The following KDM6A variants were observed in gnomAD, a reference collection of about 807,000 sequenced individuals.
KDM6A encodes lysine-specific demethylase 6A.
Under a neutral mutation model 117.6 loss-of-function variants are expected in KDM6A, and 11 were observed. That is an observed-to-expected ratio of 0.09 (90% confidence interval 0.06 to 0.15). The LOEUF (loss-of-function observed/expected upper bound fraction) is 0.15. Ranked by LOEUF, KDM6A falls within the 10% of genes least tolerant of loss-of-function variation. The probability of loss-of-function intolerance (pLI) is 1.00; values close to 1 mark genes in which losing one functional copy is unlikely to be tolerated. For missense variants in KDM6A, 799 were observed against 1,077.3 expected, an observed-to-expected ratio of 0.74 and a Z score of 3.62; for synonymous variants, 384 against 396.1, an observed-to-expected ratio of 0.97 and a Z score of 0.36.
At chrX:45,087,188 A>G (rs918054476) in intron 25 of KDM6A, among the ~76,000 whole-genome samples, 2 of 111,972 alleles carry the variant, frequency 1.8e-5, no homozygotes, top group Non-Finnish European at 3.8e-5. Context: ...ACAGGGTTTC[A>G]CCATGTTGGC....
intron 2 of KDM6A, among the ~76,000 whole-genome samples, chrX:44,881,124 C>T (rs766330789): frequency 8.9e-6 from 1 of 112,609 alleles, no homozygotes; most frequent in Non-Finnish European, 1.9e-5. Flanking sequence ...CAGGCTGATA[C>T]TTGGGACCTG....
intron 2 of KDM6A, among the ~76,000 whole-genome samples, chrX:44,942,618 A>G (rs1337623339): frequency 9.2e-6 from 1 of 109,025 alleles, no homozygotes; most frequent in Non-Finnish European, 1.9e-5. Flanking sequence ...TTGCTGATAC[A>G]TACAAAAAAG....
chrX:45,082,958 A>T lies in KDM6A; in HGVS notation c.3440+169A>T, dbSNP rs778909380. Among the ~76,000 whole-genome samples the T allele has an allele frequency of 3.1e-3, 339 of 110,057 alleles. 1 individual carries two copies. The highest frequency in any genetic ancestry group is 0.01 in the African/African-American group (313 of 30,198). On this transcript the variant is annotated intron_variant, in intron 23 of 29. Coordinates refer to ENST00000611820, the MANE Select transcript of KDM6A (RefSeq NM_001291415.2). ...TACATTTTACAATTAAAATTTTAAA[A>T]TTTTTTTTTAAAAATAGAGATGGGG...
chrX:44,971,538 T>A (rs1368431207), intron 3 of KDM6A, among the ~76,000 whole-genome samples: 1 of 111,572 alleles, frequency 9.0e-6, no homozygotes, highest in Non-Finnish European at 1.9e-5. Flanking sequence ...TTGGTAAATC[T>A]TCTTTTATTC....
intron 2 of KDM6A, among the ~76,000 whole-genome samples, chrX:44,906,302 C>A (rs2034653972): frequency 9.1e-6 from 1 of 110,344 alleles, no homozygotes; most frequent in African/African-American, 3.3e-5. Flanking sequence ...AGGCATGTAC[C>A]ACGCCTGGCT....
At chrX:45,060,465 T>G (rs1017800597) in intron 13 of KDM6A, 144 bp from the exon 14 acceptor site, 84 of 532,508 alleles carry the variant, frequency 1.6e-4, no homozygotes, top group Non-Finnish European at 2.2e-4. Flanking sequence ...CATTGATGAA[T>G]CATTTAATTT....
Position 44,873,541 on chromosome X carries a change from G to A in KDM6A, c.-11G>A, listed in dbSNP as rs748550579. The A allele has an allele frequency of 8.3e-7, 1 of 1,208,797 alleles. No homozygotes were observed. Among genetic ancestry groups the A allele is most frequent in the South Asian group, 1.8e-5 (1 of 56,852 alleles). On this transcript the variant is annotated 5_prime_UTR_variant, in exon 1 of 30. Coordinates refer to ENST00000611820, the MANE Select transcript of KDM6A (RefSeq NM_001291415.2). ...GTGTCGGCGTTGGAGTTGTGAATTC[G>A]CTGCGTTTCCATGAAATCCTGCGGA...
At chrX:44,973,223 A>G (rs1602402423) in intron 3 of KDM6A, among the ~76,000 whole-genome samples, 1 of 111,419 alleles carries the variant, frequency 9.0e-6, no homozygotes, top group South Asian at 3.8e-4. Flanking sequence ...AGAGGTTACA[A>G]GAGCAGCAGA....
At chrX:45,037,626 AT>A (rs765411020) in intron 7 of KDM6A, 28 bp from the exon 8 acceptor site, 4 of 1,182,229 alleles carry the variant, frequency 3.4e-6, no homozygotes, top group Non-Finnish European at 3.4e-6. Context: ...ATTGTTACTG[AT>A]TTTTTTGTCT....
intron 8 of KDM6A, among the ~76,000 whole-genome samples, chrX:45,040,478 C>T (rs1289890589): frequency 1.5e-4 from 12 of 78,843 alleles, no homozygotes; most frequent in Non-Finnish European, 2.0e-4. Flanking sequence ...CCGGATGGGG[C>T]GGCTGGCCAG....
chrX:44,911,108 G>A (rs1388802405), intron 2 of KDM6A, among the ~76,000 whole-genome samples: 152 of 107,893 alleles, frequency 1.4e-3, no homozygotes, highest in Non-Finnish European at 2.0e-3. Flanking sequence ...CGGACGGGGC[G>A]GCTGGCCGGG....
At chrX:45,042,615 C>T (rs1203378172) in intron 8 of KDM6A, among the ~76,000 whole-genome samples, 13 of 111,111 alleles carry the variant, frequency 1.2e-4, no homozygotes, top group African/African-American at 4.3e-4. Flanking sequence ...GCTAGGTAAA[C>T]AATAGTTCAA....
intron 6 of KDM6A, among the ~76,000 whole-genome samples, chrX:45,032,601 G>A (rs759226188): frequency 1.3e-3 from 141 of 110,988 alleles, no homozygotes; most frequent in Non-Finnish European, 2.3e-3. Flanking sequence ...ACAGGCACCC[G>A]CCACCATGCC....
At chrX:44,980,454 T>C (rs1166673704) in intron 4 of KDM6A, among the ~76,000 whole-genome samples, 2 of 110,552 alleles carry the variant, frequency 1.8e-5, no homozygotes, top group African/African-American at 6.6e-5. Context: ...ATCGGTAATA[T>C]TGCATTTGCT....
chrX:44,985,657 A>G (rs1021855202), intron 4 of KDM6A, among the ~76,000 whole-genome samples: 6 of 111,629 alleles, frequency 5.4e-5, no homozygotes, highest in Non-Finnish European at 7.5e-5. Context: ...TTCTGCATCT[A>G]TTGAGATAAT....
intron 4 of KDM6A, among the ~76,000 whole-genome samples, chrX:44,989,211 G>T (rs752497500): frequency 9.9e-6 from 1 of 100,518 alleles, no homozygotes; most frequent in African/African-American, 3.7e-5. Context: ...AGCCAGACAC[G>T]GGATATAATC....
chrX:45,047,642 A>G (rs1315294148), intron 8 of KDM6A, among the ~76,000 whole-genome samples: 1 of 69,454 alleles, frequency 1.4e-5, no homozygotes, highest in Non-Finnish European at 3.0e-5. Context: ...TCTTTTGTCC[A>G]CATTCTTCAA....
At chrX:45,100,992 TC>T (rs1228185455) in intron 27 of KDM6A, among the ~76,000 whole-genome samples, 2 of 110,891 alleles carry the variant, frequency 1.8e-5, no homozygotes, top group Non-Finnish European at 3.8e-5. Context: ...GGCCAATATT[TC>T]AGTTTTTAAA....
intron 2 of KDM6A, among the ~76,000 whole-genome samples, chrX:44,908,551 G>A (rs754154202): frequency 6.6e-4 from 74 of 111,470 alleles, no homozygotes; most frequent in Middle Eastern, 4.6e-3. Flanking sequence ...CTCGTTTAAG[G>A]TAGTTATATA....
Sources: allele counts gnomAD v4.1 joint callset (sites outside exome capture counted in the v4.1 genomes callset), GRCh38; gene constraint gnomAD v4.1.1; transcripts MANE v1.5; gene names NCBI Gene and HGNC (gene_info 2026-07-23, HGNC 2026-07-21).